The following PPFIBP2 variants were observed in gnomAD, a reference collection of about 807,000 sequenced individuals.
The protein encoded by PPFIBP2 is liprin-beta-2.
Under a neutral mutation model 118.3 loss-of-function variants are expected in PPFIBP2, and 118 were observed. The observed-to-expected ratio is 1.00, with a 90% CI of 0.86 to 1.16. The LOEUF (loss-of-function observed/expected upper bound fraction) is 1.16. Among genes scored for constraint, PPFIBP2 ranks in the 50% most tolerant of loss-of-function variants. The pLI is 0.00. For missense variants in PPFIBP2, 1,195 were observed against 1,073.1 expected, an observed-to-expected ratio of 1.11 and a Z score of -1.59; for synonymous variants, 414 against 397.4, an observed-to-expected ratio of 1.04 and a Z score of -0.50.
intron 4 of PPFIBP2, 111 bp downstream of exon 4, chr11:7,593,335 C>A: frequency 7.0e-7 from 1 of 1,426,886 alleles, no homozygotes; most frequent in Non-Finnish European, 9.4e-7. Context: ...TTTCTCCTTC[C>A]AATGCCTATG....
intron 1 of PPFIBP2, among the ~76,000 whole-genome samples, chr11:7,536,628 G>A (rs1203791577): frequency 6.6e-6 from 1 of 152,154 alleles, no homozygotes; most frequent in Admixed American, 6.5e-5. Context: ...ATGGTAGTTT[G>A]CAGAGGGAGT....
At chr11:7,649,058 C>A in intron 19 of PPFIBP2, 89 bp from the exon 20 acceptor site, 1 of 1,423,974 alleles carries the variant, frequency 7.0e-7, no homozygotes, top group Admixed American at 1.9e-5. Context: ...TAAAACGAAC[C>A]TCAAAATATA....
chr11:7,581,310 C>T (rs752640789), intron 3 of PPFIBP2, among the ~76,000 whole-genome samples: 6 of 152,212 alleles, frequency 3.9e-5, no homozygotes, highest in African/African-American at 7.2e-5. Context: ...ACTGCTCTTT[C>T]GGCAAGAGTT....
At chr11:7,518,360 G>T (rs1403101028) in intron 1 of PPFIBP2, among the ~76,000 whole-genome samples, 2 of 152,146 alleles carry the variant, frequency 1.3e-5, no homozygotes, top group Admixed American at 6.5e-5. Context: ...CTGGGTTTTT[G>T]TCAGGACTTT....
At chr11:7,644,799 G>A (rs565476712) in intron 17 of PPFIBP2, among the ~76,000 whole-genome samples, 14 of 151,726 alleles carry the variant, frequency 9.2e-5, no homozygotes, top group African/African-American at 2.9e-4. Context: ...AGGCCGAGGC[G>A]GGCGGATCAC....
intron 5 of PPFIBP2, among the ~76,000 whole-genome samples, chr11:7,602,581 A>G (rs1412916960): frequency 3.3e-5 from 5 of 152,196 alleles, no homozygotes; most frequent in Admixed American, 3.3e-4. Context: ...CAAATGGAGC[A>G]TTTTCCAGAG....
At position 7,557,157 on chromosome 11, in the gene PPFIBP2, A is replaced by C. The variant is rs79550321; in HGVS notation, c.64+7618A>C. Among the ~76,000 whole-genome samples, 1,147 of 152,020 alleles carry C rather than the reference A, an allele frequency of 7.5e-3. 14 individuals are homozygous for C. Among genetic ancestry groups the C allele is most frequent in the African/African-American group, 0.027 (1,101 of 41,508 alleles). ...GTGTCTCTGTTTGCAGCATTCTTCA[A>C]ATCTATCTTCCTCTCCAATAATTCT... is the stretch of plus-strand genomic sequence containing the variant. On this transcript the variant is annotated intron_variant, in intron 2 of 23. Coordinates refer to ENST00000299492, the MANE Select transcript of PPFIBP2 (RefSeq NM_003621.5).
At chr11:7,599,509 C>T (rs550137028) in intron 5 of PPFIBP2, among the ~76,000 whole-genome samples, 3 of 152,286 alleles carry the variant, frequency 2.0e-5, no homozygotes, top group Non-Finnish European at 2.9e-5. Flanking sequence ...TTGTCAAAGT[C>T]TCTGTGTCAA....
chr11:7,600,556 A>G lies in PPFIBP2; in HGVS notation c.486+2883A>G, dbSNP rs535016577. Among the ~76,000 whole-genome samples the G allele has an allele frequency of 2.6e-5, 4 of 152,328 alleles. No individual in the cohort carries two copies. The South Asian group carries it at 8.3e-4, about 32-fold the overall frequency. On this transcript the variant is annotated intron_variant, in intron 5 of 23. Transcript: ENST00000299492. ...TGGCCTAGAGGCAGAGAATGGAGGCAAACAATTGCCTCTTTCTGCCAGCCT... is the reference window on the plus strand; with the variant it reads ...TGGCCTAGAGGCAGAGAATGGAGGCGAACAATTGCCTCTTTCTGCCAGCCT...
chr11:7,572,959 T>G (rs1855817986), intron 3 of PPFIBP2, among the ~76,000 whole-genome samples: 1 of 152,188 alleles, frequency 6.6e-6, no homozygotes, highest in Non-Finnish European at 1.5e-5. Flanking sequence ...TTTGTATTTT[T>G]CGTAGAGACG....
At chr11:7,605,147 G>T (rs1847183717) in intron 5 of PPFIBP2, among the ~76,000 whole-genome samples, 1 of 152,200 alleles carries the variant, frequency 6.6e-6, no homozygotes, top group African/African-American at 2.4e-5. Flanking sequence ...AAAGAACCCT[G>T]CAGAAAAGAT....
chr11:7,567,544 T>C (rs1855144530), intron 3 of PPFIBP2, among the ~76,000 whole-genome samples: 1 of 152,212 alleles, frequency 6.6e-6, no homozygotes, highest in South Asian at 2.1e-4. Context: ...GCAAGTACTT[T>C]TAGGGGGTCA....
intron 11 of PPFIBP2, chr11:7,631,232 G>A: frequency 1.9e-6 from 1 of 529,348 alleles, no homozygotes; most frequent in Non-Finnish European, 3.4e-6. Flanking sequence ...GAGGCAGCAT[G>A]GTGGATACTG....
chr11:7,650,754 G>C (rs1853866283), intron 21 of PPFIBP2, 86 bp from the exon 22 acceptor site: 1 of 1,472,746 alleles, frequency 6.8e-7, no homozygotes, highest in Non-Finnish European at 9.3e-7. Context: ...GTCTGGGGCA[G>C]GGTTACTTAC....
intron 3 of PPFIBP2, among the ~76,000 whole-genome samples, chr11:7,586,327 C>T (rs1237855424): frequency 1.3e-5 from 2 of 152,142 alleles, no homozygotes; most frequent in African/African-American, 2.4e-5. Flanking sequence ...TTAAATGATG[C>T]CTTCTAACTC....
intron 1 of PPFIBP2, among the ~76,000 whole-genome samples, chr11:7,524,571 G>A (rs550611855): frequency 1.1e-4 from 16 of 152,322 alleles, no homozygotes; most frequent in Non-Finnish European, 1.9e-4. Context: ...AGGTTCCAGA[G>A]TATTAGATTT....
chr11:7,588,846 G>A (rs558582447), intron 3 of PPFIBP2, among the ~76,000 whole-genome samples: 1 of 152,170 alleles, frequency 6.6e-6, no homozygotes, highest in Non-Finnish European at 1.5e-5. Flanking sequence ...TCTTGATTCA[G>A]TTCCGTGATA....
At chr11:7,628,087 T>A (rs1850262863) in intron 8 of PPFIBP2, among the ~76,000 whole-genome samples, 198 bp from the exon 9 acceptor site, 1 of 152,248 alleles carries the variant, frequency 6.6e-6, no homozygotes, top group Admixed American at 6.5e-5. Flanking sequence ...GACAGAGTAC[T>A]AGCTTCCTTC....
At chr11:7,518,996 A>G (rs1412637620) in intron 1 of PPFIBP2, among the ~76,000 whole-genome samples, 1 of 152,216 alleles carries the variant, frequency 6.6e-6, no homozygotes. Context: ...ATGGGTTTAC[A>G]GGCTTCAGGA....
Sources: gnomAD v4.1 joint callset for allele counts (sites outside exome capture counted in the v4.1 genomes callset) on GRCh38, gnomAD v4.1.1 for gene constraint, MANE v1.5 for transcripts, NCBI Gene and HGNC (gene_info 2026-07-23, HGNC 2026-07-21) for gene names.